The following IKZF3 variants were observed in gnomAD, a reference collection of about 807,000 sequenced individuals.
The protein encoded by IKZF3 is IKAROS family zinc finger 3.
A neutral mutation model predicts 49.0 loss-of-function variants in IKZF3; 10 were observed. The ratio of observed to expected loss-of-function variants is 0.20; its 90% CI spans 0.13 to 0.35. The LOEUF is 0.35. IKZF3 is among the 10% of genes least tolerant of loss of function. IKZF3 has a pLI of 1.00. For missense variants in IKZF3, 498 were observed against 664.8 expected, an observed-to-expected ratio of 0.75 and a Z score of 2.76; for synonymous variants, 209 against 228.2, an observed-to-expected ratio of 0.92 and a Z score of 0.76.
At chr17:39,801,396 C>T (rs1250390438) in intron 3 of IKZF3, among the ~76,000 whole-genome samples, 1 of 151,940 alleles carries the variant, frequency 6.6e-6, no homozygotes, top group Admixed American at 6.6e-5. Context: ...TTCTAACTAT[C>T]CAATTAAACA....
At position 39,776,784 on chromosome 17, in the gene IKZF3, AT is replaced by A. The variant is rs2060600912; in HGVS notation, c.826+866del. ...GAAGAATAAATACAAAAGGACTGAA[AT>A]AAAAAATCAACAGCGGCAAGCAGCT... is the stretch of plus-strand genomic sequence containing the variant. On this transcript the variant is annotated intron_variant, in intron 7 of 7. Coordinates refer to ENST00000346872, the MANE Select transcript of IKZF3 (RefSeq NM_012481.5). 2.0e-5 allele frequency among the ~76,000 whole-genome samples: 3 copies of A among 152,360 alleles called. No individual in the cohort carries two copies. In the South Asian group the frequency reaches 6.2e-4, roughly 32 times the overall value.
At chr17:39,854,233 C>T (rs944652122) in intron 1 of IKZF3, among the ~76,000 whole-genome samples, 1 of 151,086 alleles carries the variant, frequency 6.6e-6, no homozygotes, top group Non-Finnish European at 1.5e-5. Flanking sequence ...TTCCAGAAGA[C>T]AGAATAAGGT....
chr17:39,760,347 T>TG lies in IKZF3; in HGVS notation c.*5442dup, dbSNP rs2060154429. On this transcript the variant is annotated 3_prime_UTR_variant, in exon 8 of 8. Transcript: ENST00000346872. ...AATTTTTGTATTTTTTTTTTCGAGA[T>TG]GGAGTCTCACTCTGTCACCCAGGCT... 6.6e-6 allele frequency: 1 copy of TG among 151,906 alleles called. No individual in the cohort carries two copies. Among genetic ancestry groups the TG allele is most frequent in the East Asian group, 1.9e-4 (1 of 5,162 alleles). The allele number at this position is 151,906 out of a possible 1,614,324, so 9.4% of individuals were successfully genotyped here. A position where few individuals can be genotyped will look rare whatever the true frequency, so the allele number is the denominator to read the frequency against.
intron 3 of IKZF3, among the ~76,000 whole-genome samples, chr17:39,799,835 T>A (rs1181665636): frequency 6.6e-6 from 1 of 152,126 alleles, no homozygotes; most frequent in Non-Finnish European, 1.5e-5. Flanking sequence ...TACCCTTAAC[T>A]AGAAAAAAAA....
At chr17:39,819,302 A>T (rs1226193470) in intron 3 of IKZF3, among the ~76,000 whole-genome samples, 1 of 152,196 alleles carries the variant, frequency 6.6e-6, no homozygotes, top group Non-Finnish European at 1.5e-5. Flanking sequence ...TGGCATAGGG[A>T]TCACTATTTC....
In IKZF3 at chr17:39,766,368, C is replaced by T. The variant is rs1428090962; in HGVS notation, c.952G>A (p.Glu318Lys). 3.7e-6 allele frequency: 6 copies of T among 1,614,162 alleles called. No individual in the cohort carries two copies. In the East Asian group the frequency reaches 8.9e-5, roughly 24 times the overall value. Residue 318 changes from glutamate to lysine, a missense_variant, in exon 8 of 8, where the codon GAA becomes AAA. This residue lies in a region of IKZF3 where 317 missense variants were observed against 397.3 expected (regional missense o/e 0.80). Coordinates refer to ENST00000346872, the MANE Select transcript of IKZF3 (RefSeq NM_012481.5). ...GTCTGGACCAAGGGGCGCAGGGCTT[C>T]GGCGCCAAGATAGCTGATGGCGTTA... ...INNAISYLGA[E>K]ALRPLVQTPP...
chr17:39,832,672 T>C (rs2062146582), intron 1 of IKZF3, among the ~76,000 whole-genome samples: 1 of 152,040 alleles, frequency 6.6e-6, no homozygotes, highest in African/African-American at 2.4e-5. Flanking sequence ...TATATGACAG[T>C]AAACACGTTG....
chr17:39,835,049 GGC>G (rs1486219860), intron 1 of IKZF3: 1 of 411,138 alleles, frequency 2.4e-6, no homozygotes, highest in Non-Finnish European at 4.7e-6. Context: ...TAGAGAAGCA[GGC>G]ACAGCCAAAG....
chr17:39,814,343 AATAC>A (rs34297656), intron 3 of IKZF3, among the ~76,000 whole-genome samples: 2,975 of 152,276 alleles, frequency 0.02, 99 homozygotes, highest in African/African-American at 0.069. Flanking sequence ...GAAGTAATTA[AATAC>A]ATACACCGAT....
chr17:39,854,623 G>A (rs78292114), intron 1 of IKZF3, among the ~76,000 whole-genome samples: 4,075 of 152,274 alleles, frequency 0.027, 192 homozygotes, highest in African/African-American at 0.094. Flanking sequence ...CTTCCTAAAG[G>A]AGATGGCATT....
chr17:39,860,366 T>C (rs2063183497), intron 1 of IKZF3, among the ~76,000 whole-genome samples: 1 of 152,218 alleles, frequency 6.6e-6, no homozygotes. Flanking sequence ...TAACAATGTA[T>C]TTTTAAAGTA....
At chr17:39,836,133 G>A (rs555421730) in intron 1 of IKZF3, 17 of 657,928 alleles carry the variant, frequency 2.6e-5, no homozygotes, top group South Asian at 2.3e-4. Context: ...TCTCCTGAGT[G>A]CACACGGCCT....
chr17:39,766,415 C>T lies in IKZF3; in HGVS notation c.905G>A (p.Arg302His), dbSNP rs1008431263. Residue 302 changes from arginine to histidine, a missense_variant, in exon 8 of 8, where the codon CGC (arginine) becomes CAC (histidine). This residue lies in a region of IKZF3 where 317 missense variants were observed against 397.3 expected (regional missense o/e 0.80). Transcript: ENST00000346872. ...GTTATTGATGGCTTGGTCCATCATG[C>T]GGGTCTGTATGAGCTCACTCTCTTT... ...YEKESELIQT[R>H]MMDQAINNAI... is the part of the protein sequence containing the mutation. The T allele has an allele frequency of 6.8e-6, 11 of 1,613,968 alleles. No homozygotes were observed. Among genetic ancestry groups the T allele is most frequent in the East Asian group, 6.7e-5 (3 of 44,896 alleles).
chr17:39,809,115 A>G (rs915371548), intron 3 of IKZF3, among the ~76,000 whole-genome samples: 1 of 152,226 alleles, frequency 6.6e-6, no homozygotes, highest in Non-Finnish European at 1.5e-5. Context: ...GAATATAGTG[A>G]AATATCTATC....
intron 7 of IKZF3, among the ~76,000 whole-genome samples, chr17:39,770,098 A>T (rs986470905): frequency 6.6e-6 from 1 of 152,232 alleles, no homozygotes; most frequent in Non-Finnish European, 1.5e-5. Context: ...GATGATTATC[A>T]GTCACCTGTA....
chr17:39,816,362 T>A (rs2061678593), intron 3 of IKZF3, among the ~76,000 whole-genome samples: 1 of 152,222 alleles, frequency 6.6e-6, no homozygotes, highest in South Asian at 2.1e-4. Context: ...GTGCCAAATC[T>A]TTTCTTAACT....
At chr17:39,791,129 C>A (rs539594367) in intron 5 of IKZF3, among the ~76,000 whole-genome samples, 2 of 152,196 alleles carry the variant, frequency 1.3e-5, no homozygotes, top group South Asian at 2.1e-4. Flanking sequence ...CTATAATTTT[C>A]TCACAAAAAT....
At chr17:39,860,812 T>A (rs9899006) in intron 1 of IKZF3, among the ~76,000 whole-genome samples, 14,142 of 152,198 alleles carry the variant, frequency 0.093, 1,355 homozygotes, top group African/African-American at 0.25. Flanking sequence ...AGAAGCCCAA[T>A]CCTCAGCATC....
intron 3 of IKZF3, among the ~76,000 whole-genome samples, chr17:39,797,331 G>A (rs1347566208): frequency 6.6e-6 from 1 of 151,864 alleles, no homozygotes; most frequent in East Asian, 1.9e-4. Flanking sequence ...GAGCCTTTTT[G>A]TATGCCACTC....
Sources: gnomAD v4.1 joint callset for allele counts (sites outside exome capture counted in the v4.1 genomes callset) on GRCh38, gnomAD v4.1.1 for gene constraint, gnomAD v4.1.1 regional missense constraint, MANE v1.5 for transcripts, NCBI Gene and HGNC (gene_info 2026-07-23, HGNC 2026-07-21) for gene names.